The following USP24 variants were observed in gnomAD, a reference collection of about 807,000 sequenced individuals.
The protein encoded by USP24 is ubiquitin carboxyl-terminal hydrolase 24.
A neutral mutation model predicts 361.6 loss-of-function variants in USP24; 97 were observed. That is an observed-to-expected ratio of 0.27 (90% CI 0.23 to 0.32). USP24 has a LOEUF of 0.32. Ranked by LOEUF, USP24 falls within the 10% of genes least tolerant of loss-of-function variation. The pLI, the probability that USP24 is intolerant of heterozygous loss-of-function variation, is 1.00. For missense variants in USP24, 2,353 were observed against 3,165.6 expected (o/e 0.74, Z 6.16); for synonymous variants, 1,098 against 1,124.6 (o/e 0.98, Z 0.47).
intron 55 of USP24, among the ~76,000 whole-genome samples, chr1:55,088,918 G>C (rs914453163): frequency 6.6e-6 from 1 of 151,690 alleles, no homozygotes; most frequent in Non-Finnish European, 1.5e-5. Context: ...ATACTACCAG[G>C]AGTTTTTTTT....
chr1:55,083,235 A>G, intron 58 of USP24, 37 bp downstream of exon 58: 16 of 1,593,214 alleles, frequency 1.0e-5, no homozygotes, highest in Non-Finnish European at 1.4e-5. Context: ...TATGAAAACC[A>G]TAGCTATTCC....
intron 1 of USP24, among the ~76,000 whole-genome samples, chr1:55,185,204 C>T (rs1374728958): frequency 1.3e-5 from 2 of 151,980 alleles, no homozygotes; most frequent in Non-Finnish European, 2.9e-5. Flanking sequence ...TCTCCCATGT[C>T]AGCCTCCTAA....
chr1:55,105,105 C>T (rs1645735420), intron 41 of USP24, among the ~76,000 whole-genome samples: 1 of 152,088 alleles, frequency 6.6e-6, no homozygotes, highest in South Asian at 2.1e-4. Flanking sequence ...ACACTCCTTC[C>T]TTCTTCATTT....
At chr1:55,123,332 C>T (rs772312347) in intron 36 of USP24, 115 bp downstream of exon 36, 10 of 1,242,124 alleles carry the variant, frequency 8.1e-6, no homozygotes, top group South Asian at 1.9e-5. Context: ...TGCCAACTTC[C>T]CGCCTTTTTC....
At chr1:55,154,335 C>G in intron 14 of USP24, 36 bp downstream of exon 14, 1 of 1,563,184 alleles carries the variant, frequency 6.4e-7, no homozygotes, top group Non-Finnish European at 8.7e-7. Flanking sequence ...CTGCTTTGAG[C>G]ATTTGTAGCT....
intron 3 of USP24, among the ~76,000 whole-genome samples, chr1:55,174,496 C>G (rs1375530107): frequency 6.6e-6 from 1 of 152,198 alleles, no homozygotes; most frequent in Non-Finnish European, 1.5e-5. Flanking sequence ...CCTTTGTACT[C>G]ACAGTTTTAC....
At chr1:55,173,036 G>A (rs749318040) in intron 3 of USP24, among the ~76,000 whole-genome samples, 2 of 152,138 alleles carry the variant, frequency 1.3e-5, no homozygotes, top group Non-Finnish European at 2.9e-5. Context: ...ATGGCTGGCT[G>A]TCCATATTAA....
chr1:55,186,594 T>C lies in USP24; in HGVS notation c.325-8462A>G, dbSNP rs1399028934. On this transcript the variant is annotated intron_variant, in intron 1 of 67. Coordinates refer to ENST00000294383, the MANE Select transcript of USP24 (RefSeq NM_015306.3). ...ATGGATTATCCAAACTTTAAGAAAA[T>C]GTGTTTATGATACATGTTACAACAT... Among the ~76,000 whole-genome samples, 11 of 152,166 alleles carry C rather than the reference T, an allele frequency of 7.2e-5. 1 individual carries two copies. The highest frequency in any genetic ancestry group is 1.9e-4 in the East Asian group (1 of 5,202).
At chr1:55,117,495 G>A (rs925554471) in intron 38 of USP24, among the ~76,000 whole-genome samples, 6 of 152,102 alleles carry the variant, frequency 3.9e-5, no homozygotes, top group East Asian at 3.9e-4. Context: ...TTGGGAGGCC[G>A]AGGCGGGTGG....
chr1:55,112,774 T>C (rs1323569955), intron 38 of USP24, among the ~76,000 whole-genome samples: 1 of 152,210 alleles, frequency 6.6e-6, no homozygotes, highest in East Asian at 1.9e-4. Context: ...TAGATGTCTA[T>C]TAGGTCTGCT....
chr1:55,124,510 G>C lies in USP24; in HGVS notation c.4079C>G (p.Ser1360Cys). Residue 1360 changes from serine (S) to cysteine (C), a missense_variant, in exon 35 of 68, where the codon TCC becomes TGC. By Grantham distance (112) the Ser-to-Cys change is moderately radical. Coordinates refer to ENST00000294383, the MANE Select transcript of USP24 (RefSeq NM_015306.3). ...GTTTCGAATTCCAGCAGGACACAGG[G>C]AATTACTTTCTTTAATTGGCTGGCT... The part of the protein sequence containing the change: ...GSSQPIKESN[S>C]LCPAGIRNRL... 1 of 1,613,388 alleles carries C rather than the reference G, an allele frequency of 6.2e-7. No homozygotes were observed. The highest frequency in any genetic ancestry group is 8.5e-7 in the Non-Finnish European group (1 of 1,179,682).
At chr1:55,170,965 C>T (rs924029493) in intron 5 of USP24, among the ~76,000 whole-genome samples, 1 of 152,158 alleles carries the variant, frequency 6.6e-6, no homozygotes, top group African/African-American at 2.4e-5. Flanking sequence ...CCTCTGCTTC[C>T]ACTAAAGCAA....
At chr1:55,141,878 T>C (rs1646899234) in intron 23 of USP24, 147 bp from the exon 24 acceptor site, 2 of 696,996 alleles carry the variant, frequency 2.9e-6, no homozygotes, top group Non-Finnish European at 2.4e-6. Flanking sequence ...TCTACCTACT[T>C]AGGGACCAGT....
chr1:55,181,132 A>T (rs1037897494), intron 1 of USP24, among the ~76,000 whole-genome samples: 3 of 152,160 alleles, frequency 2.0e-5, no homozygotes, highest in Admixed American at 2.0e-4. Context: ...TCCCATTTAA[A>T]AATCATGTTT....
chr1:55,072,698 T>G, intron 65 of USP24, 88 bp downstream of exon 65: 1 of 1,269,388 alleles, frequency 7.9e-7, no homozygotes, highest in Non-Finnish European at 1.1e-6. Flanking sequence ...AAGGTCAGTC[T>G]CCATATTCAG....
chr1:55,212,066 T>G (rs1644859213), intron 1 of USP24, among the ~76,000 whole-genome samples: 1 of 152,316 alleles, frequency 6.6e-6, no homozygotes, highest in Non-Finnish European at 1.5e-5. Flanking sequence ...CAAAAGGGCC[T>G]GAGTACTAGC....
At chr1:55,096,754 G>A in intron 49 of USP24, 132 bp from the exon 50 acceptor site, 1 of 1,404,776 alleles carries the variant, frequency 7.1e-7, no homozygotes, top group Non-Finnish European at 9.6e-7. Context: ...GAAATATGTA[G>A]CAACAATTAT....
intron 34 of USP24, 96 bp from the exon 35 acceptor site, chr1:55,124,724 C>G (rs1489312691): frequency 8.6e-5 from 118 of 1,367,702 alleles, no homozygotes; most frequent in Non-Finnish European, 1.1e-4. Context: ...CATACGCCTC[C>G]TTTCCCTCCA....
Position 55,165,962 on chromosome 1 carries a change from A to C in USP24, c.862-12T>G. ...CCTAATTCTCCAAACTGAGAAGAAAAAAGGCACACATTAAGTTATTTTTCT... is the reference window on the plus strand; with the variant it reads ...CCTAATTCTCCAAACTGAGAAGAAACAAGGCACACATTAAGTTATTTTTCT... On this transcript the variant is annotated splice_polypyrimidine_tract_variant and intron_variant, in intron 6 of 67. Coordinates refer to ENST00000294383, the MANE Select transcript of USP24 (RefSeq NM_015306.3). 2 of 1,602,312 alleles carry C rather than the reference A, an allele frequency of 1.2e-6. No individual in the cohort carries two copies. The highest frequency in any genetic ancestry group is 1.7e-6 in the Non-Finnish European group (2 of 1,173,874).
Sources: allele counts gnomAD v4.1 joint callset (sites outside exome capture counted in the v4.1 genomes callset), GRCh38; gene constraint gnomAD v4.1.1; transcripts MANE v1.5; gene names NCBI Gene and HGNC (gene_info 2026-07-23, HGNC 2026-07-21).